KHDRBS2: variants seen among roughly 807,000 people sequenced by gnomAD.
KHDRBS2 encodes the protein KH domain-containing, RNA-binding, signal transduction-associated protein 2.
A neutral mutation model predicts 44.3 loss-of-function variants in KHDRBS2; 26 were observed. The ratio of observed to expected loss-of-function variants is 0.59; its 90% CI spans 0.43 to 0.81. The LOEUF (loss-of-function observed/expected upper bound fraction) is 0.81. KHDRBS2 is among the 40% of genes least tolerant of loss of function. The probability of loss-of-function intolerance (pLI) is 0.00; values close to 1 mark genes in which losing one functional copy is unlikely to be tolerated. For missense variants in KHDRBS2, 476 were observed against 433.1 expected, an observed-to-expected ratio of 1.10 and a Z score of -0.88; for synonymous variants, 194 against 151.1, an observed-to-expected ratio of 1.28 and a Z score of -2.08.
At chr6:62,180,954 CAATA>C (rs1203136604) in intron 1 of KHDRBS2, among the ~76,000 whole-genome samples, 1 of 148,312 alleles carries the variant, frequency 6.7e-6, no homozygotes, top group African/African-American at 2.5e-5. Context: ...AAAGTCTCTT[CAATA>C]AATAGTGTTG....
chr6:61,765,149 A>C (rs2127574044), intron 6 of KHDRBS2, among the ~76,000 whole-genome samples: 1 of 152,262 alleles, frequency 6.6e-6, no homozygotes, highest in Middle Eastern at 3.4e-3. Flanking sequence ...GGAATTTAGA[A>C]GTAACTGGCC....
chr6:62,255,943 C>T (rs1357632328), intron 1 of KHDRBS2, among the ~76,000 whole-genome samples: 1 of 151,662 alleles, frequency 6.6e-6, no homozygotes, highest in Admixed American at 6.6e-5. Flanking sequence ...ACCAGCCTGG[C>T]CAACATGATG....
At chr6:62,115,536 T>C (rs1806013388) in intron 2 of KHDRBS2, among the ~76,000 whole-genome samples, 1 of 152,216 alleles carries the variant, frequency 6.6e-6, no homozygotes, top group African/African-American at 2.4e-5. Flanking sequence ...AGTTATGAGA[T>C]GATCTTTCAT....
intron 4 of KHDRBS2, among the ~76,000 whole-genome samples, chr6:61,952,287 C>T (rs1764919385): frequency 6.6e-6 from 1 of 151,976 alleles, no homozygotes; most frequent in African/African-American, 2.4e-5. Flanking sequence ...AGAAGCATCA[C>T]AATAAGGACA....
intron 4 of KHDRBS2, among the ~76,000 whole-genome samples, chr6:61,956,468 A>C (rs895686917): frequency 1.3e-5 from 2 of 152,092 alleles, no homozygotes; most frequent in African/African-American, 4.8e-5. Context: ...GTCATCTCAA[A>C]CACCTTCAGC....
At chr6:61,717,401 T>G (rs574163178) in intron 7 of KHDRBS2, among the ~76,000 whole-genome samples, 1 of 152,016 alleles carries the variant, frequency 6.6e-6, no homozygotes, top group Non-Finnish European at 1.5e-5. Context: ...CATCCTGTGA[T>G]GGTAAATTCA....
chr6:61,848,645 A>G (rs1368986754), intron 6 of KHDRBS2, among the ~76,000 whole-genome samples: 1 of 137,792 alleles, frequency 7.3e-6, no homozygotes, highest in African/African-American at 2.7e-5. Flanking sequence ...TCTGTTCTTC[A>G]ATGCACTATA....
rs1308887650 is a variant in KHDRBS2 at position 62,201,148 on chromosome 6, TG to T, written c.92-23837del. Among the ~76,000 whole-genome samples, 9 of 152,208 alleles carry T rather than the reference TG, an allele frequency of 5.9e-5. No individual in the cohort carries two copies. The South Asian group carries it at 1.9e-3, about 31-fold the overall frequency. ...TACCTAATATTAAATGGTGAGTTAA[TG>T]GGTGCAGCACACCAACATGGTACAT... On this transcript the variant is annotated intron_variant, in intron 1 of 8. Transcript: ENST00000281156.
At chr6:61,549,867 T>C in the KHDRBS2 span, among the ~76,000 whole-genome samples, 1 of 152,196 alleles carries the variant, frequency 6.6e-6, no homozygotes, top group Non-Finnish European at 1.5e-5. Context: ...TCTATTAGGT[T>C]ATATTCTAGG....
At chr6:61,803,734 C>T (rs181117949) in intron 6 of KHDRBS2, among the ~76,000 whole-genome samples, 1 of 152,162 alleles carries the variant, frequency 6.6e-6, no homozygotes, top group East Asian at 1.9e-4. Flanking sequence ...AGGAAACTTA[C>T]AATCATGGCA....
the KHDRBS2 span, among the ~76,000 whole-genome samples, chr6:61,571,179 C>A: frequency 6.6e-6 from 1 of 151,870 alleles, no homozygotes; most frequent in African/African-American, 2.4e-5. Flanking sequence ...AAGAGACTCG[C>A]CTAATATATA....
intron 7 of KHDRBS2, among the ~76,000 whole-genome samples, chr6:61,710,273 A>G (rs2127550281): frequency 6.6e-6 from 1 of 151,920 alleles, no homozygotes; most frequent in African/African-American, 2.4e-5. Flanking sequence ...TGTGATTAGA[A>G]GCATTATAAA....
chr6:62,246,490 G>A (rs1835598061), intron 1 of KHDRBS2, among the ~76,000 whole-genome samples: 1 of 151,874 alleles, frequency 6.6e-6, no homozygotes, highest in Non-Finnish European at 1.5e-5. Flanking sequence ...ACCCAATTCT[G>A]TTCTTGTTCT....
chr6:61,834,711 C>G (rs921801938), intron 6 of KHDRBS2, among the ~76,000 whole-genome samples: 1 of 151,880 alleles, frequency 6.6e-6, no homozygotes, highest in African/African-American at 2.4e-5. Context: ...AAAGGGTGCA[C>G]TAAAAATAAG....
At chr6:61,756,452 G>A (rs1562103268) in intron 6 of KHDRBS2, among the ~76,000 whole-genome samples, 1 of 152,028 alleles carries the variant, frequency 6.6e-6, no homozygotes, top group Non-Finnish European at 1.5e-5. Context: ...TAGAGAGGGG[G>A]TTTCGCCATG....
chr6:61,918,037 T>C (rs1807344960), intron 4 of KHDRBS2, among the ~76,000 whole-genome samples: 1 of 151,930 alleles, frequency 6.6e-6, no homozygotes, highest in Non-Finnish European at 1.5e-5. Flanking sequence ...AAGTCATCTT[T>C]ATGGCGCATC....
intron 6 of KHDRBS2, among the ~76,000 whole-genome samples, chr6:61,741,323 C>G (rs1051073929): frequency 3.3e-5 from 5 of 151,790 alleles, no homozygotes; most frequent in African/African-American, 1.2e-4. Flanking sequence ...GTTTATGGAG[C>G]CTAAGATATT....
At chr6:61,589,503 G>T in the KHDRBS2 span, among the ~76,000 whole-genome samples, 2 of 152,122 alleles carry the variant, frequency 1.3e-5, no homozygotes, top group Non-Finnish European at 2.9e-5. Flanking sequence ...CTAAGTTCAA[G>T]TAACATTTTC....
At chr6:61,786,215 A>G (rs2127583238) in intron 6 of KHDRBS2, among the ~76,000 whole-genome samples, 1 of 152,162 alleles carries the variant, frequency 6.6e-6, no homozygotes, top group East Asian at 1.9e-4. Context: ...AACAGAGGAA[A>G]AAGGAAAATG....
Sources: gnomAD v4.1 joint callset for allele counts (sites outside exome capture counted in the v4.1 genomes callset) on GRCh38, gnomAD v4.1.1 for gene constraint, MANE v1.5 for transcripts, NCBI Gene and HGNC (gene_info 2026-07-23, HGNC 2026-07-21) for gene names.